The following UBXN7 variants were observed in gnomAD, a reference collection of about 807,000 sequenced individuals.
UBXN7 encodes the protein UBX domain-containing protein 7.
Under a neutral mutation model 58.0 loss-of-function variants are expected in UBXN7, and 9 were observed. The observed-to-expected ratio is 0.16, with a 90% CI of 0.09 to 0.27. The LOEUF (loss-of-function observed/expected upper bound fraction) is 0.27. Among genes scored for constraint, UBXN7 ranks in the 10% least tolerant of loss-of-function variants. The pLI is 1.00. For synonymous variants in UBXN7, 208 were observed against 205.0 expected (o/e 1.01, Z -0.12); for missense variants, 328 against 599.6 (o/e 0.55, Z 4.73).
intron 3 of UBXN7, among the ~76,000 whole-genome samples, chr3:196,396,203 T>C (rs1729764951): frequency 6.6e-6 from 1 of 150,716 alleles, no homozygotes; most frequent in Non-Finnish European, 1.5e-5. Context: ...GATCAAGAGC[T>C]CCTATTTCAA....
chr3:196,377,039 C>CTA (rs1729050357), intron 5 of UBXN7, among the ~76,000 whole-genome samples: 1 of 142,344 alleles, frequency 7.0e-6, no homozygotes, highest in East Asian at 2.0e-4. Flanking sequence ...GAGTGAGACT[C>CTA]TGTCTCAAAA....
intron 5 of UBXN7, among the ~76,000 whole-genome samples, chr3:196,390,946 AGAAT>A (rs961096068): frequency 6.6e-6 from 1 of 152,206 alleles, no homozygotes; most frequent in Non-Finnish European, 1.5e-5. Context: ...ATTATTAAAA[AGAAT>A]GATCTTTCCT....
In UBXN7 at chr3:196,401,225, A is replaced by G. The variant is rs1729951667; in HGVS notation, c.289+1727T>C. On this transcript the variant is annotated intron_variant, in intron 3 of 10. Coordinates refer to ENST00000296328, the MANE Select transcript of UBXN7 (RefSeq NM_015562.2). ...TCGGGAGTTCAAGATCAGCCTGACT[A>G]ACATGGAGAAACCCCGTCTCTCCAA... Among the ~76,000 whole-genome samples, 3 of 126,276 alleles carry G rather than the reference A, an allele frequency of 2.4e-5. No individual in the cohort carries two copies. The South Asian group carries it at 8.9e-4, about 37-fold the overall frequency. The allele number at this position is 126,276 out of a possible 152,430, so 82.8% of individuals were successfully genotyped here. A position where few individuals can be genotyped will look rare whatever the true frequency, so the allele number is the denominator to read the frequency against.
chr3:196,359,544 C>T (rs114648620), intron 10 of UBXN7, among the ~76,000 whole-genome samples: 1 of 152,178 alleles, frequency 6.6e-6, no homozygotes, highest in East Asian at 1.9e-4. Context: ...TGGCACCAAA[C>T]AGCCAAGCTG....
intron 3 of UBXN7, 49 bp from the exon 4 acceptor site, chr3:196,393,668 AC>A: frequency 6.5e-7 from 1 of 1,549,570 alleles, no homozygotes; most frequent in South Asian, 1.2e-5. Context: ...TAATTTTGAA[AC>A]AATTCTAAAA....
intron 3 of UBXN7, among the ~76,000 whole-genome samples, chr3:196,395,431 A>G (rs1233668736): frequency 6.6e-6 from 1 of 152,094 alleles, no homozygotes; most frequent in Non-Finnish European, 1.5e-5. Context: ...AGATTTTGTA[A>G]TACACTGTCA....
chr3:196,405,508 AAG>A (rs1448364844), intron 2 of UBXN7, among the ~76,000 whole-genome samples: 1 of 151,844 alleles, frequency 6.6e-6, no homozygotes, highest in Non-Finnish European at 1.5e-5. Context: ...GAAAGAAAGA[AAG>A]AAAACTTTTA....
intron 4 of UBXN7, 147 bp from the exon 5 acceptor site, chr3:196,392,072 GAA>G (rs1274826315): frequency 6.3e-5 from 25 of 398,276 alleles, no homozygotes; most frequent in East Asian, 1.8e-4. Context: ...TGTTGACTCT[GAA>G]AAAAAAAAAT....
intron 5 of UBXN7, among the ~76,000 whole-genome samples, chr3:196,380,411 G>GA (rs528560713): frequency 1.7e-4 from 26 of 152,126 alleles, no homozygotes; most frequent in Non-Finnish European, 3.4e-4. Flanking sequence ...GAACAAGACA[G>GA]AAAAAAATTC....
chr3:196,390,230 A>G (rs1729535291), intron 5 of UBXN7, among the ~76,000 whole-genome samples: 1 of 151,672 alleles, frequency 6.6e-6, no homozygotes, highest in South Asian at 2.1e-4. Context: ...AAAAAAAAAG[A>G]CAAAGAAAAG....
intron 5 of UBXN7, among the ~76,000 whole-genome samples, chr3:196,381,875 G>A (rs1285920725): frequency 2.0e-5 from 3 of 152,192 alleles, no homozygotes; most frequent in African/African-American, 7.2e-5. Flanking sequence ...TGATCAAGTG[G>A]AAGGAAGGGT....
At chr3:196,424,424 T>A (rs1041868576) in intron 1 of UBXN7, among the ~76,000 whole-genome samples, 3 of 140,656 alleles carry the variant, frequency 2.1e-5, no homozygotes, top group Non-Finnish European at 4.6e-5. Flanking sequence ...AGACAAGGTC[T>A]CTCTCTGTCA....
Position 196,353,075 on chromosome 3 carries a change from C to T in UBXN7, c.*3610G>A. The stretch of plus-strand genomic sequence containing the variant: ...ATGTATAGGCATAGTGCAAATCCCA[C>T]AACTTTAACCCAACTACTTCCTCTA... On this transcript the variant is annotated 3_prime_UTR_variant, in exon 11 of 11. Transcript: ENST00000296328. 6.6e-6 allele frequency: 1 copy of T among 152,226 alleles called. No homozygotes were observed. The highest frequency in any genetic ancestry group is 1.9e-4 in the East Asian group (1 of 5,202). 9.4% of individuals were successfully genotyped at this position (152,226 alleles called of 1,614,324 possible). A position where few individuals can be genotyped will look rare whatever the true frequency, so the allele number is the denominator to read the frequency against.
chr3:196,402,248 C>T (rs965163556), intron 3 of UBXN7, among the ~76,000 whole-genome samples: 5 of 152,076 alleles, frequency 3.3e-5, no homozygotes, highest in East Asian at 1.9e-4. Context: ...CTTGAACTCC[C>T]GGCCTCGAGT....
intron 5 of UBXN7, among the ~76,000 whole-genome samples, chr3:196,386,182 A>G (rs1263182905): frequency 6.6e-6 from 1 of 151,914 alleles, no homozygotes; most frequent in Non-Finnish European, 1.5e-5. Flanking sequence ...AAGGCAGCAT[A>G]CTCGTTAAGC....
intron 8 of UBXN7, among the ~76,000 whole-genome samples, chr3:196,365,347 T>C (rs1728635203): frequency 6.7e-6 from 1 of 149,418 alleles, no homozygotes; most frequent in South Asian, 2.1e-4. Flanking sequence ...GCAAATACAA[T>C]AGAGAAAAAC....
At chr3:196,363,914 T>G (rs1210254264) in intron 8 of UBXN7, among the ~76,000 whole-genome samples, 1 of 146,370 alleles carries the variant, frequency 6.8e-6, no homozygotes, top group Non-Finnish European at 1.5e-5. Flanking sequence ...AGAGCGAGAC[T>G]CCATCTCAAA....
chr3:196,398,170 G>C (rs2108849390), intron 3 of UBXN7, among the ~76,000 whole-genome samples: 1 of 152,350 alleles, frequency 6.6e-6, no homozygotes, highest in Middle Eastern at 3.4e-3. Context: ...ATAGCCACAT[G>C]AATGAGTTTA....
At chr3:196,401,825 G>C (rs900116471) in intron 3 of UBXN7, among the ~76,000 whole-genome samples, 1 of 139,480 alleles carries the variant, frequency 7.2e-6, no homozygotes, top group African/African-American at 2.6e-5. Flanking sequence ...AAAGAGAAGA[G>C]AGAAGAGAAG....
Sources: gnomAD v4.1 joint callset for allele counts (sites outside exome capture counted in the v4.1 genomes callset) on GRCh38, gnomAD v4.1.1 for gene constraint, MANE v1.5 for transcripts, NCBI Gene and HGNC (gene_info 2026-07-23, HGNC 2026-07-21) for gene names.